Variants in AKAP19 observed in about 807,000 individuals in gnomAD.
AKAP19 encodes the protein A-kinase anchoring protein 19.
chr2:190,052,409 T>C, the AKAP19 span, among the ~76,000 whole-genome samples: 1 of 152,218 alleles, frequency 6.6e-6, no homozygotes, highest in Non-Finnish European at 1.5e-5. Flanking sequence ...TTATGCTTGA[T>C]TGTCACCTTC....
At chr2:189,894,201 A>G in the AKAP19 span, among the ~76,000 whole-genome samples, 3 of 152,226 alleles carry the variant, frequency 2.0e-5, no homozygotes, top group Non-Finnish European at 2.9e-5. Context: ...GAGCAGAATG[A>G]ATACTTCTAC....
At chr2:189,900,892 G>C in the AKAP19 span, among the ~76,000 whole-genome samples, 1 of 152,146 alleles carries the variant, frequency 6.6e-6, no homozygotes, top group Non-Finnish European at 1.5e-5. Flanking sequence ...CTTGTGCTTT[G>C]TGCTGGAGAA....
chr2:190,025,325 C>T, the AKAP19 span, among the ~76,000 whole-genome samples: 1 of 152,138 alleles, frequency 6.6e-6, no homozygotes, highest in Non-Finnish European at 1.5e-5. Context: ...CTCTGGTTGC[C>T]TTCAGATCCT....
the AKAP19 span, among the ~76,000 whole-genome samples, chr2:190,176,794 G>A: frequency 6.6e-6 from 1 of 152,230 alleles, no homozygotes; most frequent in African/African-American, 2.4e-5. The surrounding 1 kb of genome is among the most constrained non-coding windows in gnomAD (Gnocchi z 4.7). Context: ...ATTAGGGTCT[G>A]ACATGAAAAT....
At chr2:190,068,271 T>C in the AKAP19 span, among the ~76,000 whole-genome samples, 2 of 152,190 alleles carry the variant, frequency 1.3e-5, no homozygotes, top group Non-Finnish European at 2.9e-5. Flanking sequence ...TATTTTGCTC[T>C]TTTTTGTCTT....
the AKAP19 span, among the ~76,000 whole-genome samples, chr2:189,984,522 C>T: frequency 6.6e-6 from 1 of 152,146 alleles, no homozygotes; most frequent in Non-Finnish European, 1.5e-5. Context: ...TGCACAAACA[C>T]ACATGCTGTA....
chr2:190,018,432 A>G, the AKAP19 span, among the ~76,000 whole-genome samples: 12 of 151,526 alleles, frequency 7.9e-5, no homozygotes, highest in East Asian at 2.3e-3. Flanking sequence ...TGTTGGAGTT[A>G]TTTTGTTGCA....
the AKAP19 span, among the ~76,000 whole-genome samples, chr2:190,154,093 C>T: frequency 1.3e-5 from 2 of 152,158 alleles, no homozygotes; most frequent in Admixed American, 6.5e-5. Flanking sequence ...TCAGTATTAT[C>T]TTACAGCATT....
the AKAP19 span, among the ~76,000 whole-genome samples, chr2:190,041,443 T>C: frequency 1.3e-5 from 2 of 152,204 alleles, no homozygotes; most frequent in Non-Finnish European, 2.9e-5. Context: ...TTTCTAGATA[T>C]AGAATTATGT....
At chr2:190,004,887 T>C in the AKAP19 span, among the ~76,000 whole-genome samples, 1 of 152,206 alleles carries the variant, frequency 6.6e-6, no homozygotes, top group African/African-American at 2.4e-5. Flanking sequence ...TTAAAAGTAT[T>C]AGGCATACCA....
At chr2:189,980,415 T>A in the AKAP19 span, among the ~76,000 whole-genome samples, 1 of 152,220 alleles carries the variant, frequency 6.6e-6, no homozygotes, top group South Asian at 2.1e-4. Flanking sequence ...CTCAGCTCAC[T>A]GCAACCTTCG....
At chr2:189,972,906 T>C in the AKAP19 span, among the ~76,000 whole-genome samples, 1 of 152,236 alleles carries the variant, frequency 6.6e-6, no homozygotes, top group Non-Finnish European at 1.5e-5. Flanking sequence ...CTTTTCTAAA[T>C]ATACAATCAT....
At chr2:190,063,749 G>A in the AKAP19 span, among the ~76,000 whole-genome samples, 4 of 152,072 alleles carry the variant, frequency 2.6e-5, no homozygotes, top group Non-Finnish European at 5.9e-5. Context: ...TGACCAGAGG[G>A]CAGACACCTG....
the AKAP19 span, among the ~76,000 whole-genome samples, chr2:190,157,659 G>A: frequency 6.6e-6 from 1 of 152,046 alleles, no homozygotes; most frequent in African/African-American, 2.4e-5. Context: ...ATAATTGAGG[G>A]AAGGGGAGAC....
chr2:190,035,704 C>T, the AKAP19 span, among the ~76,000 whole-genome samples: 1 of 150,166 alleles, frequency 6.7e-6, no homozygotes, highest in Non-Finnish European at 1.5e-5. Flanking sequence ...CTGGATTCTT[C>T]CACGTAAAGC....
chr2:189,975,805 A>G, the AKAP19 span, among the ~76,000 whole-genome samples: 2 of 152,072 alleles, frequency 1.3e-5, no homozygotes, highest in Admixed American at 6.6e-5. Context: ...TTCGTCAAGT[A>G]GTTCTCGTGC....
chr2:190,090,574 C>T, the AKAP19 span, among the ~76,000 whole-genome samples: 1 of 152,208 alleles, frequency 6.6e-6, no homozygotes. Flanking sequence ...CAAACAACCA[C>T]CTCAGTCTTG....
the AKAP19 span, among the ~76,000 whole-genome samples, chr2:189,942,601 C>T: frequency 4.6e-5 from 7 of 152,116 alleles, no homozygotes; most frequent in Non-Finnish European, 7.4e-5. Flanking sequence ...CAGAAGAAGA[C>T]AGGAAGATGA....
At chr2:190,167,116 C>T in the AKAP19 span, among the ~76,000 whole-genome samples, 2 of 152,136 alleles carry the variant, frequency 1.3e-5, no homozygotes, top group African/African-American at 4.8e-5. Flanking sequence ...CAAGACAGGA[C>T]AATTGACAAA....
Sources: gnomAD v4.1 joint callset for allele counts (sites outside exome capture counted in the v4.1 genomes callset) on GRCh38, gnomAD v4.1.1 for gene constraint, Gnocchi (gnomAD v3.1) non-coding constraint, MANE v1.5 for transcripts, NCBI Gene and HGNC (gene_info 2026-07-23, HGNC 2026-07-21) for gene names.